Variants in PRKCQ observed in about 807,000 individuals in gnomAD.
PRKCQ encodes the protein protein kinase C theta type.
Under a neutral mutation model 91.2 loss-of-function variants are expected in PRKCQ, and 41 were observed. The observed-to-expected ratio is 0.45, with a 90% CI of 0.35 to 0.58. The LOEUF (loss-of-function observed/expected upper bound fraction) is 0.58. Among genes scored for constraint, PRKCQ ranks in the 20% least tolerant of loss-of-function variants. The pLI is 0.00. For synonymous variants in PRKCQ, 307 were observed against 316.9 expected, an observed-to-expected ratio of 0.97 and a Z score of 0.33; for missense variants, 673 against 896.5, an observed-to-expected ratio of 0.75 and a Z score of 3.18.
chr10:6,569,892 G>A (rs751684683), intron 1 of PRKCQ, among the ~76,000 whole-genome samples: 23 of 152,150 alleles, frequency 1.5e-4, no homozygotes, highest in Non-Finnish European at 2.9e-4. Context: ...TTCTGGGGAA[G>A]AATGGCAAGG....
At chr10:6,579,887 C>A (rs1343860972) in intron 1 of PRKCQ, among the ~76,000 whole-genome samples, 2 of 150,704 alleles carry the variant, frequency 1.3e-5, no homozygotes, top group African/African-American at 4.9e-5. Flanking sequence ...CACCTTCTTC[C>A]CTCCCCGCAG....
the PRKCQ span, among the ~76,000 whole-genome samples, chr10:6,405,375 C>T: frequency 2.4e-4 from 36 of 152,338 alleles, no homozygotes; most frequent in African/African-American, 8.7e-4. Context: ...CACTGGGCAG[C>T]TCTCCGTTTG....
In PRKCQ at chr10:6,506,465, C is replaced by T. The variant is rs376658444; in HGVS notation, c.379+971G>A. ...TTTTCTTCAGATCGAATAAATCTTTCGCCTTTTACTAAAATATTTCAGCAT... is the reference window on the plus strand; with the variant it reads ...TTTTCTTCAGATCGAATAAATCTTTTGCCTTTTACTAAAATATTTCAGCAT... On this transcript the variant is annotated intron_variant, in intron 4 of 17. Transcript: ENST00000263125. Among the ~76,000 whole-genome samples, 8 of 152,238 alleles carry T rather than the reference C, an allele frequency of 5.3e-5. No homozygotes were observed. In the South Asian group the frequency reaches 6.2e-4, roughly 12 times the overall value.
chr10:6,490,576 C>A (rs112302546), intron 8 of PRKCQ, among the ~76,000 whole-genome samples: 120 of 120,928 alleles, frequency 9.9e-4, no homozygotes, highest in Middle Eastern at 4.4e-3. Context: ...AAAAAAAAAA[C>A]AAAGAAAAAC....
At chr10:6,526,337 C>T (rs1839195127) in intron 1 of PRKCQ, among the ~76,000 whole-genome samples, 1 of 152,178 alleles carries the variant, frequency 6.6e-6, no homozygotes, top group Admixed American at 6.5e-5. Context: ...TGTCTTAGGA[C>T]ACTGCAGTCA....
chr10:6,580,320 G>C (rs1046349071), upstream of PRKCQ: 3 of 148,708 alleles, frequency 2.0e-5, no homozygotes, highest in Admixed American at 6.7e-5. Flanking sequence ...GGGCTGGCGG[G>C]GCTGGCGGGC....
At chr10:6,574,026 G>T (rs1841135100) in intron 1 of PRKCQ, among the ~76,000 whole-genome samples, 1 of 152,212 alleles carries the variant, frequency 6.6e-6, no homozygotes, top group Non-Finnish European at 1.5e-5. Context: ...TGAGGCCGGA[G>T]GATCCCTTGA....
At chr10:6,419,015 G>A in the PRKCQ span, among the ~76,000 whole-genome samples, 1 of 142,698 alleles carries the variant, frequency 7.0e-6, no homozygotes, top group Non-Finnish European at 1.5e-5. Flanking sequence ...TGCTATCTAT[G>A]TATCTATCAT....
At position 6,489,721 on chromosome 10, in the gene PRKCQ, G is replaced by T. The variant is rs1473570681; in HGVS notation, c.790+1962C>A. 2.0e-5 allele frequency among the ~76,000 whole-genome samples: 3 copies of T among 151,704 alleles called. No individual in the cohort carries two copies. The East Asian group carries it at 5.8e-4, about 29-fold the overall frequency. The stretch of plus-strand genomic sequence containing the variant: ...ACAAACCAGGGCAGGGGAGGGAGAG[G>T]AGAGGGGACAAAAGAAAAAGGGGAG... On this transcript the variant is annotated intron_variant, in intron 8 of 17. Transcript: ENST00000263125.
rs56151404 is a variant in PRKCQ, at chr10:6,444,707, TACAC to T, written c.1648-2630_1648-2627del. On this transcript the variant is annotated intron_variant, in intron 15 of 17. Coordinates refer to ENST00000263125, the MANE Select transcript of PRKCQ (RefSeq NM_006257.5). ...GCATCTGTGAACAGACACACATAAATACACACACACACACACACGCACGCAGAAG... is the reference window on the plus strand; with the variant it reads ...GCATCTGTGAACAGACACACATAAATACACACACACACACGCACGCAGAAG... 1.5e-3 allele frequency among the ~76,000 whole-genome samples: 229 copies of T among 150,620 alleles called. 1 individual carries two copies. Among genetic ancestry groups the T allele is most frequent in the African/African-American group, 4.9e-3 (202 of 41,112 alleles).
the PRKCQ span, among the ~76,000 whole-genome samples, chr10:6,408,529 A>G: frequency 6.6e-6 from 1 of 151,854 alleles, no homozygotes; most frequent in Non-Finnish European, 1.5e-5. Context: ...TAATTTTTGT[A>G]TTTTTAGTAG....
At chr10:6,462,166 G>T in intron 14 of PRKCQ, 137 bp downstream of exon 14, 1 of 741,234 alleles carries the variant, frequency 1.3e-6, no homozygotes, top group Non-Finnish European at 2.3e-6. Flanking sequence ...TGTAATCATT[G>T]TGGGCAGCAG....
intron 4 of PRKCQ, among the ~76,000 whole-genome samples, chr10:6,501,808 G>A (rs911974783): frequency 1.3e-5 from 2 of 151,666 alleles, no homozygotes; most frequent in African/African-American, 4.8e-5. Context: ...TGGGCGACAT[G>A]AGCGAAACTC....
intron 1 of PRKCQ, among the ~76,000 whole-genome samples, chr10:6,577,670 G>C (rs1267682752): frequency 6.6e-6 from 1 of 151,920 alleles, no homozygotes; most frequent in Non-Finnish European, 1.5e-5. Flanking sequence ...TCCATAAAAA[G>C]GAAATCACCT....
intron 12 of PRKCQ, among the ~76,000 whole-genome samples, chr10:6,467,537 C>T (rs913909129): frequency 1.4e-3 from 205 of 151,824 alleles, no homozygotes; most frequent in African/African-American, 4.7e-3. Flanking sequence ...ATACATTAAC[C>T]GAGGCAAATG....
intron 12 of PRKCQ, among the ~76,000 whole-genome samples, chr10:6,475,884 A>G (rs769417751): frequency 1.6e-4 from 25 of 152,194 alleles, no homozygotes; most frequent in Admixed American, 3.3e-4. Context: ...TCTTTCTAAA[A>G]GGACTCAGTT....
intron 16 of PRKCQ, among the ~76,000 whole-genome samples, chr10:6,441,005 T>G (rs1833944310): frequency 6.6e-6 from 1 of 152,046 alleles, no homozygotes; most frequent in Admixed American, 6.6e-5. Context: ...AAAAGTTATG[T>G]GATGAATAAT....
chr10:6,406,682 G>T, the PRKCQ span, among the ~76,000 whole-genome samples: 1 of 152,146 alleles, frequency 6.6e-6, no homozygotes, highest in South Asian at 2.1e-4. Flanking sequence ...ATGTCTTTGT[G>T]CAGATCTTAT....
intron 15 of PRKCQ, among the ~76,000 whole-genome samples, chr10:6,445,121 C>CTCAAAAAAAAAAAAAA (rs779476076): frequency 9.5e-6 from 1 of 105,412 alleles, no homozygotes; most frequent in African/African-American, 4.4e-5. Flanking sequence ...AAGACTCTGT[C>CTCAAAAAAAAAAAAAA]AAAAAAAAAA....
Sources: allele counts gnomAD v4.1 joint callset (sites outside exome capture counted in the v4.1 genomes callset), GRCh38; gene constraint gnomAD v4.1.1; transcripts MANE v1.5; gene names NCBI Gene and HGNC (gene_info 2026-07-23, HGNC 2026-07-21).